PPP6R2: variants seen among roughly 807,000 people sequenced by gnomAD.
PPP6R2 encodes protein phosphatase 6 regulatory subunit 2.
PPP6R2 carries 62 observed loss-of-function variants against 100.2 expected under a neutral mutation model. The observed-to-expected ratio is 0.62, with a 90% CI of 0.50 to 0.76. The LOEUF is 0.76. Among genes scored for constraint, PPP6R2 ranks in the 30% least tolerant of loss-of-function variants. The pLI is 0.00. For synonymous variants in PPP6R2, 525 were observed against 514.7 expected (o/e 1.02, Z -0.27); for missense variants, 1,142 against 1,276.3 (o/e 0.89, Z 1.60).
At chr22:50,340,252 TGGAG>T (rs1345388073), upstream of PPP6R2, among the ~76,000 whole-genome samples, 4 of 111,664 alleles carry the variant, frequency 3.6e-5, no homozygotes, top group African/African-American at 6.9e-5. Flanking sequence ...GTGGTGTGTG[TGGAG>T]GGTGTGTGTG....
At chr22:50,354,628 C>G (rs913937253) in intron 1 of PPP6R2, among the ~76,000 whole-genome samples, 1 of 151,818 alleles carries the variant, frequency 6.6e-6, no homozygotes, top group African/African-American at 2.4e-5. Context: ...GAGTTTGAGA[C>G]CAGGCTGGCC....
chr22:50,364,035 C>T (rs1270561170), intron 1 of PPP6R2, among the ~76,000 whole-genome samples: 1 of 151,942 alleles, frequency 6.6e-6, no homozygotes, highest in African/African-American at 2.4e-5. Context: ...GCTGGGATTA[C>T]AGGCATGCAC....
intron 1 of PPP6R2, among the ~76,000 whole-genome samples, chr22:50,350,103 G>T (rs1379745724): frequency 1.3e-5 from 2 of 151,930 alleles, no homozygotes; most frequent in African/African-American, 4.8e-5. Context: ...AGGCAACAGA[G>T]CAAGACTCTG....
chr22:50,395,685 C>T (rs1178255237), intron 3 of PPP6R2, among the ~76,000 whole-genome samples: 1 of 152,120 alleles, frequency 6.6e-6, no homozygotes, highest in East Asian at 1.9e-4. Flanking sequence ...CTTAGCCTCC[C>T]TAGTAGCTGG....
intron 4 of PPP6R2, among the ~76,000 whole-genome samples, chr22:50,412,212 G>T (rs1291800820): frequency 6.6e-6 from 1 of 151,724 alleles, no homozygotes; most frequent in African/African-American, 2.4e-5. Context: ...TTTTTTTGGA[G>T]ATAGACTCTC....
Position 50,419,466 on chromosome 22 carries a change from A to C in PPP6R2, c.845+4A>C. Reference sequence around the variant, plus strand: ...TGCTGGAAACCAGGCGGGTTGGGTGAGTCTCACGAGGAGAAATCGTGTAGA... The same window carrying C: ...TGCTGGAAACCAGGCGGGTTGGGTGCGTCTCACGAGGAGAAATCGTGTAGA... On this transcript the variant is annotated splice_donor_region_variant and intron_variant, in intron 8 of 23. Coordinates refer to ENST00000612753, the MANE Select transcript of PPP6R2 (RefSeq NM_001242898.2). The C allele has an allele frequency of 6.2e-7, 1 of 1,607,802 alleles. No homozygotes were observed.
intron 1 of PPP6R2, among the ~76,000 whole-genome samples, chr22:50,368,165 G>A (rs890031517): frequency 2.0e-5 from 3 of 152,372 alleles, no homozygotes; most frequent in Admixed American, 6.5e-5. Flanking sequence ...AATGGACCAG[G>A]AGCGTGACCG....
intron 10 of PPP6R2, among the ~76,000 whole-genome samples, chr22:50,430,245 T>C (rs2062885029): frequency 6.6e-6 from 1 of 152,260 alleles, no homozygotes; most frequent in Non-Finnish European, 1.5e-5. Context: ...GAACCACCTC[T>C]GGGCTTCAGC....
rs541686061 is a variant in PPP6R2, at chr22:50,413,271, A to AT, written c.415-1273dup. Among the ~76,000 whole-genome samples the AT allele has an allele frequency of 6.3e-4, 96 of 152,040 alleles. 1 individual carries two copies. In the South Asian group the frequency reaches 0.018, roughly 29 times the overall value. ...AGCCACCGCACCTGGCCAGATAAGT[A>AT]TTTTTTTTCAAGGAAATTTCTTTTC... On this transcript the variant is annotated intron_variant, in intron 4 of 23. Transcript: ENST00000612753.
rs1210924216 is a variant in PPP6R2, at chr22:50,395,440, C to T, written c.227+1305C>T. ...GCAGATCTGCGAGGCACACATGACC[C>T]GCAGTGTCCCCAGGTGACGCCTCAT... is the stretch of plus-strand genomic sequence containing the variant. On this transcript the variant is annotated intron_variant, in intron 3 of 23. Coordinates refer to ENST00000612753, the MANE Select transcript of PPP6R2 (RefSeq NM_001242898.2). Among the ~76,000 whole-genome samples the T allele has an allele frequency of 2.6e-5, 4 of 152,138 alleles. No homozygotes were observed. In the East Asian group the frequency reaches 5.8e-4, roughly 22 times the overall value.
the PPP6R2 span, among the ~76,000 whole-genome samples, chr22:50,337,778 G>A: frequency 2.7e-5 from 4 of 145,682 alleles, no homozygotes; most frequent in African/African-American, 7.6e-5. Flanking sequence ...TATGGTGTGT[G>A]TGTGGGTGTG....
rs550892777 is a variant in PPP6R2, at chr22:50,356,638, A to T, written c.-148+13088A>T. 9.9e-4 allele frequency among the ~76,000 whole-genome samples: 151 copies of T among 152,038 alleles called. 1 individual carries two copies. Among genetic ancestry groups the T allele is most frequent in the Admixed American group, 8.6e-3 (131 of 15,250 alleles). ...GATGTATGTTTCACTTTTTTAAGAA[A>T]CTGCCAGTTTTCGGCCGGTTGTGGT... is the stretch of plus-strand genomic sequence containing the variant. On this transcript the variant is annotated intron_variant, in intron 1 of 23. Transcript: ENST00000612753.
At chr22:50,350,054 G>T (rs1201720968) in intron 1 of PPP6R2, among the ~76,000 whole-genome samples, 1 of 151,946 alleles carries the variant, frequency 6.6e-6, no homozygotes, top group Non-Finnish European at 1.5e-5. Context: ...GGTGGTGGAG[G>T]TTGCACTGAG....
chr22:50,376,021 C>T (rs1016359869), intron 2 of PPP6R2, among the ~76,000 whole-genome samples: 4 of 151,458 alleles, frequency 2.6e-5, no homozygotes, highest in African/African-American at 4.9e-5. Context: ...TTAGTAAGGA[C>T]GGGGTTTCAC....
At chr22:50,358,987 A>ACC (rs1296823701) in intron 1 of PPP6R2, among the ~76,000 whole-genome samples, 5 of 31,346 alleles carry the variant, frequency 1.6e-4, no homozygotes, top group Admixed American at 3.7e-4. Flanking sequence ...GTGTAAAAGA[A>ACC]CCGCCCCCCC....
intron 2 of PPP6R2, among the ~76,000 whole-genome samples, chr22:50,379,618 T>G (rs1241539524): frequency 1.3e-5 from 2 of 151,872 alleles, no homozygotes; most frequent in African/African-American, 2.4e-5. Flanking sequence ...ATTGGAGGGG[T>G]GCAGTGGCTC....
intron 1 of PPP6R2, among the ~76,000 whole-genome samples, chr22:50,350,524 G>A (rs1000646170): frequency 2.0e-5 from 3 of 151,562 alleles, no homozygotes; most frequent in Admixed American, 1.3e-4. Context: ...GAACCACTGC[G>A]ACCGGCCTGA....
At chr22:50,404,997 A>G (rs542009802) in intron 3 of PPP6R2, among the ~76,000 whole-genome samples, 3 of 152,320 alleles carry the variant, frequency 2.0e-5, no homozygotes, top group East Asian at 3.9e-4. Context: ...TACCAGTTAC[A>G]AAAGAGGGAG....
At chr22:50,348,229 A>G (rs2044211025) in intron 1 of PPP6R2, among the ~76,000 whole-genome samples, 1 of 152,140 alleles carries the variant, frequency 6.6e-6, no homozygotes, top group South Asian at 2.1e-4. Context: ...TCTGAGTTGT[A>G]GGAGAAACCT....
Sources: allele counts gnomAD v4.1 joint callset (sites outside exome capture counted in the v4.1 genomes callset), GRCh38; gene constraint gnomAD v4.1.1; transcripts MANE v1.5; gene names NCBI Gene and HGNC (gene_info 2026-07-23, HGNC 2026-07-21).